Variants in RELN observed in about 807,000 individuals in gnomAD.
RELN encodes the protein reelin.
In RELN, 108 loss-of-function variants were observed where a neutral mutation model predicts 427.6. That is an observed-to-expected ratio of 0.25 (90% CI 0.22 to 0.30). RELN has a LOEUF of 0.30. Ranked by LOEUF, RELN falls within the 10% of genes least tolerant of loss-of-function variation. The pLI, the probability that RELN is intolerant of heterozygous loss-of-function variation, is 1.00. For synonymous variants in RELN, 1,524 were observed against 1,513.4 expected (o/e 1.01, Z -0.16); for missense variants, 3,715 against 4,302.8 (o/e 0.86, Z 3.82).
At chr7:103,942,661 C>T (rs1169065753) in intron 1 of RELN, among the ~76,000 whole-genome samples, 1 of 152,100 alleles carries the variant, frequency 6.6e-6, no homozygotes, top group Non-Finnish European at 1.5e-5. Context: ...TGCCTGTAAT[C>T]CCAGGACTTT....
chr7:103,831,956 C>G (rs39363), intron 3 of RELN, among the ~76,000 whole-genome samples: 4 of 151,838 alleles, frequency 2.6e-5, no homozygotes, highest in Admixed American at 6.6e-5. Flanking sequence ...ATCATCTTAG[C>G]AAAACATACT....
intron 3 of RELN, among the ~76,000 whole-genome samples, chr7:103,795,126 C>T (rs553167460): frequency 3.9e-5 from 6 of 152,188 alleles, no homozygotes; most frequent in South Asian, 2.1e-4. Context: ...CTAGTATTAT[C>T]TATTGAAGTC....
At chr7:103,963,956 A>T (rs1216081329) in intron 1 of RELN, among the ~76,000 whole-genome samples, 1 of 152,108 alleles carries the variant, frequency 6.6e-6, no homozygotes, top group Non-Finnish European at 1.5e-5. Context: ...TGAGGCCAGG[A>T]CTTTGGCATC....
At chr7:103,901,295 CA>C (rs1795080099) in intron 2 of RELN, among the ~76,000 whole-genome samples, 1 of 152,014 alleles carries the variant, frequency 6.6e-6, no homozygotes, top group Admixed American at 6.6e-5. Flanking sequence ...ACCTCTCATA[CA>C]TTGCTAGTGA....
intron 36 of RELN, 32 bp downstream of exon 36, chr7:103,561,499 AT>A: frequency 6.7e-7 from 1 of 1,499,132 alleles, no homozygotes; most frequent in South Asian, 1.1e-5. Flanking sequence ...GTTAGTAGTA[AT>A]GTTGGGAAGG....
chr7:103,528,383 G>T (rs999017456), intron 46 of RELN, among the ~76,000 whole-genome samples: 2 of 152,088 alleles, frequency 1.3e-5, no homozygotes. Context: ...TAGGGCTGGG[G>T]TGAGGGGTGG....
At chr7:103,839,464 T>A (rs1280305346) in intron 2 of RELN, among the ~76,000 whole-genome samples, 2 of 152,116 alleles carry the variant, frequency 1.3e-5, no homozygotes, top group Non-Finnish European at 2.9e-5. Context: ...ATTTACAGAA[T>A]TCCTGTTTTG....
intron 1 of RELN, among the ~76,000 whole-genome samples, chr7:103,973,340 G>C (rs1456984223): frequency 1.3e-5 from 2 of 152,114 alleles, no homozygotes; most frequent in Non-Finnish European, 2.9e-5. Context: ...AACAATGCAT[G>C]CAAGTTATTA....
chr7:103,746,071 A>G (rs1460902416), intron 6 of RELN, among the ~76,000 whole-genome samples: 1 of 152,138 alleles, frequency 6.6e-6, no homozygotes, highest in Non-Finnish European at 1.5e-5. Flanking sequence ...AAACAGAGAT[A>G]TAGACCAATG....
Position 103,566,602 on chromosome 7 carries a change from A to G in RELN, c.4746T>C (p.His1582=), listed in dbSNP as rs797045913. Residue 1582 remains histidine, a splice_region_variant and synonymous_variant, in exon 32 of 65, where the codon CAT becomes CAC. Transcript: ENST00000428762. ...ATAFRWWQPQ[H]GKHSAQWALD... is the part of the protein sequence containing the mutation. ...AAGCTGGAGTGAGCAGTAACTTACCATGTTGCGGTTGCCACCATCGAAATG... is the reference window on the plus strand; with the variant it reads ...AAGCTGGAGTGAGCAGTAACTTACCGTGTTGCGGTTGCCACCATCGAAATG... 7 of 1,614,142 alleles carry G rather than the reference A, an allele frequency of 4.3e-6. No homozygotes were observed. The highest frequency in any genetic ancestry group is 5.9e-6 in the Non-Finnish European group (7 of 1,180,004).
intron 3 of RELN, among the ~76,000 whole-genome samples, chr7:103,794,549 AC>A (rs1302765114): frequency 3.3e-5 from 5 of 152,214 alleles, no homozygotes; most frequent in Non-Finnish European, 5.9e-5. Flanking sequence ...AACAACAACA[AC>A]AAAAACAGGC....
intron 2 of RELN, among the ~76,000 whole-genome samples, chr7:103,900,603 C>T (rs1210405890): frequency 6.6e-6 from 1 of 151,668 alleles, no homozygotes; most frequent in African/African-American, 2.4e-5. Context: ...AACAGTGGTA[C>T]CAGATGGGGT....
intron 2 of RELN, among the ~76,000 whole-genome samples, chr7:103,892,953 A>C (rs6465944): frequency 0.79 from 119,360 of 151,970 alleles, 46,925 homozygotes; most frequent in East Asian, 0.87. Context: ...GAGCTCAACA[A>C]AGAAATTTTG....
chr7:103,961,402 C>G (rs965700872), intron 1 of RELN, among the ~76,000 whole-genome samples: 1 of 151,952 alleles, frequency 6.6e-6, no homozygotes, highest in African/African-American at 2.4e-5. Flanking sequence ...GTTTTTTTCC[C>G]CCTTTTGGAA....
chr7:103,509,221 C>T (rs963564240), intron 51 of RELN, among the ~76,000 whole-genome samples: 10 of 152,140 alleles, frequency 6.6e-5, no homozygotes, highest in Non-Finnish European at 4.4e-5. Context: ...AAGAACAAAC[C>T]TGGAGGCATC....
chr7:103,499,997 T>C (rs555589236), intron 53 of RELN, among the ~76,000 whole-genome samples: 2 of 152,310 alleles, frequency 1.3e-5, no homozygotes, highest in African/African-American at 2.4e-5. Context: ...AATTCCATAG[T>C]TGAAGTATTA....
intron 59 of RELN, 109 bp downstream of exon 59, chr7:103,490,559 G>C: frequency 8.5e-7 from 1 of 1,172,920 alleles, no homozygotes; most frequent in Non-Finnish European, 1.3e-6. Flanking sequence ...AGGGCACCAG[G>C]GCTGCATGTA....
intron 3 of RELN, among the ~76,000 whole-genome samples, chr7:103,794,372 C>T (rs1792245649): frequency 6.6e-6 from 1 of 152,150 alleles, no homozygotes; most frequent in Non-Finnish European, 1.5e-5. Flanking sequence ...CCATTCCTGT[C>T]ACAACCATCA....
chr7:103,573,217 A>T lies in RELN; in HGVS notation c.4511+875T>A, dbSNP rs1481521170. Among the ~76,000 whole-genome samples the T allele has an allele frequency of 6.6e-6, 1 of 152,268 alleles. No individual in the cohort carries two copies. Among genetic ancestry groups the T allele is most frequent in the African/African-American group, 2.4e-5 (1 of 41,470 alleles). On this transcript the variant is annotated intron_variant, in intron 30 of 64. Coordinates refer to ENST00000428762, the MANE Select transcript of RELN (RefSeq NM_005045.4). This position sits in a 1 kb window ranked among gnomAD's most constrained non-coding sequence, Gnocchi z 4.4. Reference sequence around the variant, plus strand: ...CAGTCTCCCAAAGTGCTGGCATTACAGGTGTGAGCTACCGCATCCAGCCAA... The same window carrying T: ...CAGTCTCCCAAAGTGCTGGCATTACTGGTGTGAGCTACCGCATCCAGCCAA...
Sources: gnomAD v4.1 joint callset for allele counts (sites outside exome capture counted in the v4.1 genomes callset) on GRCh38, gnomAD v4.1.1 for gene constraint, Gnocchi (gnomAD v3.1) non-coding constraint, MANE v1.5 for transcripts, NCBI Gene and HGNC (gene_info 2026-07-23, HGNC 2026-07-21) for gene names.